The following RASGEF1B variants were observed in gnomAD, a reference collection of about 807,000 sequenced individuals.
RASGEF1B encodes the protein RasGEF domain family member 1B, also known as ras-GEF domain-containing family member 1B.
A neutral mutation model predicts 65.7 loss-of-function variants in RASGEF1B; 30 were observed. The ratio of observed to expected loss-of-function variants is 0.46; its 90% CI spans 0.34 to 0.62. The LOEUF is 0.62. RASGEF1B is among the 20% of genes least tolerant of loss of function. The pLI, the probability that RASGEF1B is intolerant of heterozygous loss-of-function variation, is 0.01. For synonymous variants in RASGEF1B, 175 were observed against 194.8 expected (o/e 0.90, Z 0.85); for missense variants, 495 against 580.1 (o/e 0.85, Z 1.51).
At position 81,432,326 on chromosome 4, in the gene RASGEF1B, A is replaced by G. The variant is rs750778860; in HGVS notation, c.1370T>C (p.Ile457Thr). The change falls in exon 13 of 14, where the codon ATA (isoleucine) becomes ACA (threonine). Residue 457 changes from isoleucine to threonine, a missense_variant. Physicochemically the swap from Ile to Thr is moderately conservative, Grantham distance 89 (BLOSUM62 -1). Transcript: ENST00000264400. ...TAAAGACTTCCATCTGTCTTTCTCT[A>G]TATGATTTTCAGGTCCTTCACTCTC... is the stretch of plus-strand genomic sequence containing the variant. ...SYESEGPENH[I>T]EKDRWKSLRS... 1.2e-6 allele frequency: 2 copies of G among 1,609,970 alleles called. No homozygotes were observed. Among genetic ancestry groups the G allele is most frequent in the Non-Finnish European group, 1.7e-6 (2 of 1,176,660 alleles).
intron 7 of RASGEF1B, 28 bp downstream of exon 7, chr4:81,445,715 C>G: frequency 2.5e-6 from 4 of 1,600,648 alleles, no homozygotes; most frequent in East Asian, 2.2e-5. Flanking sequence ...ATGTTGAGAA[C>G]TAGGAGACAG....
chr4:81,439,551 A>AC (rs1414311526), intron 10 of RASGEF1B, among the ~76,000 whole-genome samples: 2 of 152,200 alleles, frequency 1.3e-5, no homozygotes, highest in Non-Finnish European at 2.9e-5. Context: ...GGCAGAGCCC[A>AC]CCAAGCCCTC....
chr4:81,429,861 C>T (rs1341118642), intron 13 of RASGEF1B, among the ~76,000 whole-genome samples: 1 of 151,962 alleles, frequency 6.6e-6, no homozygotes, highest in Non-Finnish European at 1.5e-5. Context: ...GATGGGCACA[C>T]CGACATACGC....
In RASGEF1B at chr4:81,459,432, T is replaced by C. The variant is rs779261522; in HGVS notation, c.77A>G (p.Asp26Gly). The C allele has an allele frequency of 1.2e-6, 2 of 1,613,530 alleles. No individual in the cohort carries two copies. The highest frequency in any genetic ancestry group is 1.1e-5 in the South Asian group (1 of 90,950). ...YNRNLYQSAE[D>G]SCGGLYYHDN... ...ATGGTAATACAACCCTCCACAGCTG[T>C]CCTCTGCAGACTGATAGAGGTTTCG... is the stretch of plus-strand genomic sequence containing the variant. Residue 26 changes from aspartate to glycine, a missense_variant, in exon 2 of 14, where the codon GAC becomes GGC. Physicochemically the swap from Asp to Gly is moderately conservative, Grantham distance 94. Transcript: ENST00000264400.
chr4:81,428,086 A>G (rs980994144), intron 13 of RASGEF1B, among the ~76,000 whole-genome samples: 3 of 152,254 alleles, frequency 2.0e-5, no homozygotes, highest in Non-Finnish European at 1.5e-5. Flanking sequence ...AAGATCATTA[A>G]TGATAAAGAG....
At chr4:81,466,611 T>G (rs1722817376) in intron 1 of RASGEF1B, among the ~76,000 whole-genome samples, 1 of 151,500 alleles carries the variant, frequency 6.6e-6, no homozygotes, top group South Asian at 2.1e-4. Context: ...CACAAAAAAT[T>G]AGCTGGGCGT....
chr4:81,431,917 A>G (rs1160071475), intron 13 of RASGEF1B, among the ~76,000 whole-genome samples: 1 of 152,226 alleles, frequency 6.6e-6, no homozygotes, highest in Non-Finnish European at 1.5e-5. Context: ...TATAAAGCCT[A>G]CTAGTACTTC....
chr4:81,429,225 G>A (rs1029461956), intron 13 of RASGEF1B, among the ~76,000 whole-genome samples: 1 of 152,224 alleles, frequency 6.6e-6, no homozygotes, highest in Admixed American at 6.5e-5. Flanking sequence ...AACGGGCCAG[G>A]GACGGGGGAG....
chr4:81,464,134 A>T (rs1722732084), intron 1 of RASGEF1B, among the ~76,000 whole-genome samples: 1 of 152,076 alleles, frequency 6.6e-6, no homozygotes, highest in Non-Finnish European at 1.5e-5. Context: ...TGTCTCTGAG[A>T]TCCTATAAAC....
At chr4:81,443,066 T>C (rs1417682305) in intron 8 of RASGEF1B, among the ~76,000 whole-genome samples, 1 of 152,216 alleles carries the variant, frequency 6.6e-6, no homozygotes, top group Non-Finnish European at 1.5e-5. Flanking sequence ...GTAACAGAGA[T>C]GGAAGCTCAC....
intron 5 of RASGEF1B, among the ~76,000 whole-genome samples, chr4:81,447,834 A>G (rs1007475400): frequency 7.9e-5 from 12 of 152,188 alleles, no homozygotes; most frequent in Non-Finnish European, 2.9e-5. Context: ...GAGGAAAGTC[A>G]ATAAACTCTT....
At chr4:81,468,734 A>T (rs1722930959) in intron 1 of RASGEF1B, among the ~76,000 whole-genome samples, 1 of 152,242 alleles carries the variant, frequency 6.6e-6, no homozygotes, top group South Asian at 2.1e-4. Context: ...CCCAGAAAGT[A>T]GGTGAACACC....
At chr4:81,430,258 C>G (rs887174191) in intron 13 of RASGEF1B, among the ~76,000 whole-genome samples, 14 of 152,118 alleles carry the variant, frequency 9.2e-5, no homozygotes, top group African/African-American at 2.7e-4. Flanking sequence ...CCGAGATCCT[C>G]CCACTGCACT....
Position 81,471,864 on chromosome 4 carries a change from G to C in RASGEF1B, c.-101C>G, listed in dbSNP as rs1176398094. The C allele has an allele frequency of 6.5e-6, 1 of 152,682 alleles. No homozygotes were observed. Among genetic ancestry groups the C allele is most frequent in the Admixed American group, 6.5e-5 (1 of 15,288 alleles). 9.5% of individuals were successfully genotyped at this position (152,682 alleles called of 1,614,324 possible). Reference sequence around the variant, plus strand: ...AGGGAGCTAAAGCGCGCGGGAAGAAGAAAAACAAAATCTGTCTAACCAGTC... The same window carrying C: ...AGGGAGCTAAAGCGCGCGGGAAGAACAAAAACAAAATCTGTCTAACCAGTC... On this transcript the variant is annotated 5_prime_UTR_variant, in exon 1 of 14. Transcript: ENST00000264400.
At chr4:81,464,861 G>C (rs559556153) in intron 1 of RASGEF1B, among the ~76,000 whole-genome samples, 6 of 152,004 alleles carry the variant, frequency 3.9e-5, no homozygotes, top group Non-Finnish European at 8.8e-5. Flanking sequence ...GAGGCGGGCG[G>C]ATTACTTGAG....
chr4:81,470,602 G>T (rs1035825959), intron 1 of RASGEF1B, among the ~76,000 whole-genome samples: 4 of 152,272 alleles, frequency 2.6e-5, no homozygotes, highest in Admixed American at 6.5e-5. Flanking sequence ...CCTGACCGTC[G>T]TCACATGGTG....
intron 1 of RASGEF1B, among the ~76,000 whole-genome samples, chr4:81,464,597 C>T (rs941564333): frequency 1.3e-5 from 2 of 152,132 alleles, no homozygotes; most frequent in African/African-American, 4.8e-5. Flanking sequence ...AAACCTCTCC[C>T]CATCACCACC....
intron 8 of RASGEF1B, among the ~76,000 whole-genome samples, chr4:81,444,140 CTT>C (rs1260837017): frequency 6.6e-6 from 1 of 151,830 alleles, no homozygotes; most frequent in East Asian, 1.9e-4. Flanking sequence ...GGTTATTTGT[CTT>C]TTCATTGATT....
chr4:81,456,495 T>C (rs1402920668), intron 4 of RASGEF1B, 156 bp downstream of exon 4: 4 of 789,740 alleles, frequency 5.1e-6, no homozygotes, highest in East Asian at 2.5e-5. Context: ...TCATTCTCAC[T>C]TGACATACTA....
Sources: gnomAD v4.1 joint callset for allele counts (sites outside exome capture counted in the v4.1 genomes callset) on GRCh38, gnomAD v4.1.1 for gene constraint, MANE v1.5 for transcripts, NCBI Gene and HGNC (gene_info 2026-07-23, HGNC 2026-07-21) for gene names.